CEMIP2: variants seen among roughly 807,000 people sequenced by gnomAD.
CEMIP2 encodes the protein cell migration inducing hyaluronidase 2.
CEMIP2 carries 79 observed loss-of-function variants against 146.9 expected under a neutral mutation model. The observed-to-expected ratio is 0.54, with a 90% confidence interval of 0.45 to 0.65. The LOEUF is 0.65. Among genes scored for constraint, CEMIP2 ranks in the 30% least tolerant of loss-of-function variants. The pLI, the probability that CEMIP2 is intolerant of heterozygous loss-of-function variation, is 0.00. For missense variants in CEMIP2, 1,596 were observed against 1,696.2 expected (o/e 0.94, Z 1.04); for synonymous variants, 601 against 606.3 (o/e 0.99, Z 0.13).
At chr9:71,695,464 C>T (rs1422623617) in intron 20 of CEMIP2, among the ~76,000 whole-genome samples, 1 of 151,998 alleles carries the variant, frequency 6.6e-6, no homozygotes, top group Non-Finnish European at 1.5e-5. Flanking sequence ...CACCTTAGGT[C>T]CGGAGTTCAA....
At chr9:71,736,113 C>A (rs143584901) in intron 5 of CEMIP2, among the ~76,000 whole-genome samples, 96 of 152,256 alleles carry the variant, frequency 6.3e-4, no homozygotes, top group Non-Finnish European at 1.1e-3. Context: ...ACATAAAAAT[C>A]TGTCTCAGAA....
At chr9:71,695,069 C>A (rs1041163197) in intron 20 of CEMIP2, among the ~76,000 whole-genome samples, 52 of 152,138 alleles carry the variant, frequency 3.4e-4, no homozygotes, top group African/African-American at 1.1e-3. Context: ...TTGTGACCTG[C>A]AAGGCATTCC....
rs34941996 is a variant in CEMIP2 at position 71,688,722 on chromosome 9, C to T, written c.3851+1370G>A. Among the ~76,000 whole-genome samples, 1,323 of 152,140 alleles carry T rather than the reference C, an allele frequency of 8.7e-3. 5 individuals carry two copies. The highest frequency in any genetic ancestry group is 0.013 in the Non-Finnish European group (878 of 67,996). On this transcript the variant is annotated intron_variant, in intron 22 of 23. Coordinates refer to ENST00000377044, the MANE Select transcript of CEMIP2 (RefSeq NM_013390.3). ...CTTTCTAAAGCAGTGGTGACACAATCTAAAATTAGTGCAGCAGTCTAAGCA... is the reference window on the plus strand; with the variant it reads ...CTTTCTAAAGCAGTGGTGACACAATTTAAAATTAGTGCAGCAGTCTAAGCA...
chr9:71,751,061 A>G (rs1434903788), intron 1 of CEMIP2, among the ~76,000 whole-genome samples: 1 of 152,240 alleles, frequency 6.6e-6, no homozygotes, highest in African/African-American at 2.4e-5. Flanking sequence ...TGTATGAATC[A>G]TAAATGGTTT....
At chr9:71,760,651 A>C (rs1323079785) in intron 1 of CEMIP2, among the ~76,000 whole-genome samples, 1 of 143,744 alleles carries the variant, frequency 7.0e-6, no homozygotes, top group Non-Finnish European at 1.6e-5. Flanking sequence ...AAAAACATAA[A>C]AGGAAAAAAC....
chr9:71,740,165 A>C lies in CEMIP2; in HGVS notation c.1102T>G (p.Tyr368Asp). The change falls in exon 5 of 24, where the codon TAT becomes GAT. Residue 368 changes from tyrosine (Y) to aspartate (D), a missense_variant. Physicochemically the swap from Tyr to Asp is radical, Grantham distance 160 (BLOSUM62 -3). Coordinates refer to ENST00000377044, the MANE Select transcript of CEMIP2 (RefSeq NM_013390.3). The stretch of plus-strand genomic sequence containing the variant: ...TTCCCGCCACTGCTATGATTTTCAT[A>C]GTTTCTCACGGATTCATTGCAAGAA... ...STSCNESVRN[Y>D]ENHSSGGKAL... 1 of 1,614,088 alleles carries C rather than the reference A, an allele frequency of 6.2e-7. No homozygotes were observed. Among genetic ancestry groups the C allele is most frequent in the Non-Finnish European group, 8.5e-7 (1 of 1,180,010 alleles).
Position 71,768,444 on chromosome 9 carries a change from C to T in CEMIP2, c.-100G>A, listed in dbSNP as rs1824868553. ...AGAGGAGTCCCTGGCGTCCTCGGGT[C>T]CAGATCTCCTCTCCATGGCCAGGAA... On this transcript the variant is annotated 5_prime_UTR_variant, in exon 1 of 24. Transcript: ENST00000377044. 6.6e-6 allele frequency: 1 copy of T among 152,242 alleles called. No homozygotes were observed. The highest frequency in any genetic ancestry group is 2.4e-5 in the African/African-American group (1 of 41,434). The allele number at this position is 152,242 out of a possible 1,614,324, so 9.4% of individuals were successfully genotyped here.
chr9:71,723,099 A>G (rs955528305), intron 11 of CEMIP2, among the ~76,000 whole-genome samples: 1 of 143,384 alleles, frequency 7.0e-6, no homozygotes, highest in Non-Finnish European at 1.5e-5. Flanking sequence ...AGTTTGTACA[A>G]ACGTCTAGAG....
At chr9:71,712,016 T>C in intron 16 of CEMIP2, 67 bp downstream of exon 16, 1 of 1,547,208 alleles carries the variant, frequency 6.5e-7, no homozygotes, top group East Asian at 2.3e-5. Flanking sequence ...CGTTTTTGTC[T>C]TTGGGAATGT....
intron 10 of CEMIP2, among the ~76,000 whole-genome samples, chr9:71,727,832 G>A (rs957836576): frequency 1.6e-4 from 24 of 152,156 alleles, no homozygotes; most frequent in Non-Finnish European, 2.2e-4. Context: ...AGGCCAAGGC[G>A]GGCGGATCAC....
At position 71,750,133 on chromosome 9, in the gene CEMIP2, T is replaced by C. The variant is rs1393621529; in HGVS notation, c.241A>G (p.Asn81Asp). 2 of 1,613,922 alleles carry C rather than the reference T, an allele frequency of 1.2e-6. No homozygotes were observed. The highest frequency in any genetic ancestry group is 1.7e-6 in the Non-Finnish European group (2 of 1,179,964). The change falls in exon 2 of 24, where the codon AAT (asparagine) becomes GAT (aspartate). Residue 81 changes from asparagine (N) to aspartate (D), a missense_variant. Transcript: ENST00000377044. ...GTAATAGCAAAACAAATGAAAGTAT[T>C]TTTGTGTCTCTTTTGCTTTTGACTT... ...RESQKQKRHK[N>D]TFICFAITSF...
At chr9:71,722,049 T>C (rs1823245365) in intron 12 of CEMIP2, among the ~76,000 whole-genome samples, 1 of 152,214 alleles carries the variant, frequency 6.6e-6, no homozygotes, top group African/African-American at 2.4e-5. Flanking sequence ...GAATAAATTC[T>C]ATATGGTTTG....
At chr9:71,749,157 A>G (rs928225312) in intron 2 of CEMIP2, among the ~76,000 whole-genome samples, 10 of 152,214 alleles carry the variant, frequency 6.6e-5, no homozygotes, top group Non-Finnish European at 1.3e-4. Flanking sequence ...AATACCATTT[A>G]AGAAATTAAA....
In CEMIP2 at chr9:71,730,214, A is replaced by G; in HGVS notation, c.1813T>C (p.Phe605Leu). 1 of 1,614,204 alleles carries G rather than the reference A, an allele frequency of 6.2e-7. No homozygotes were observed. The highest frequency in any genetic ancestry group is 8.5e-7 in the Non-Finnish European group (1 of 1,180,040). ...TIGFDTLGHC[F>L]FLEDGIEQRN... ...TGTTCAATACCATCTTCCAAAAAGA[A>G]ACAATGACCTAGTGTGTCAAACCCA... The change falls in exon 9 of 24, where the codon TTC becomes CTC. Residue 605 changes from phenylalanine to leucine, a missense_variant. Phe to Leu is a conservative substitution (Grantham distance 22). Coordinates refer to ENST00000377044, the MANE Select transcript of CEMIP2 (RefSeq NM_013390.3).
intron 3 of CEMIP2, 48 bp downstream of exon 3, chr9:71,746,153 C>A (rs756866581): frequency 1.3e-6 from 2 of 1,589,378 alleles, no homozygotes; most frequent in South Asian, 1.1e-5. Flanking sequence ...ATATCCCCCA[C>A]ATTAAAGAGC....
intron 1 of CEMIP2, among the ~76,000 whole-genome samples, chr9:71,757,908 G>T (rs746508282): frequency 3.3e-5 from 5 of 152,138 alleles, no homozygotes; most frequent in Non-Finnish European, 5.9e-5. Context: ...GACTTTTTAG[G>T]TCCTCTAATT....
At chr9:71,754,274 T>C (rs1824352493) in intron 1 of CEMIP2, among the ~76,000 whole-genome samples, 1 of 152,210 alleles carries the variant, frequency 6.6e-6, no homozygotes, top group African/African-American at 2.4e-5. Context: ...GCAAGTGAAA[T>C]TGACCAAGTT....
chr9:71,722,416 G>T lies in CEMIP2; in HGVS notation c.2267+11C>A. 1 of 1,603,556 alleles carries T rather than the reference G, an allele frequency of 6.2e-7. No homozygotes were observed. The highest frequency in any genetic ancestry group is 1.1e-5 in the South Asian group (1 of 88,868). ...TATAGCTTGAGTGTGACTTAAAAGA[G>T]CCAGCTTTACCTTGCACTATTGTCC... is the stretch of plus-strand genomic sequence containing the variant. On this transcript the variant is annotated intron_variant, in intron 12 of 23. Transcript: ENST00000377044.
intron 12 of CEMIP2, 58 bp downstream of exon 12, chr9:71,722,369 A>G (rs545737394): frequency 7.8e-5 from 102 of 1,305,612 alleles, no homozygotes; most frequent in Non-Finnish European, 9.7e-5. Context: ...AACTCCAGTT[A>G]GAAAGTTTTG....
Sources: gnomAD v4.1 joint callset for allele counts (sites outside exome capture counted in the v4.1 genomes callset) on GRCh38, gnomAD v4.1.1 for gene constraint, MANE v1.5 for transcripts, NCBI Gene and HGNC (gene_info 2026-07-23, HGNC 2026-07-21) for gene names.